The following TEX9 variants were observed in gnomAD, a reference collection of about 807,000 sequenced individuals.
TEX9 encodes the protein testis-expressed protein 9.
Under a neutral mutation model 59.6 loss-of-function variants are expected in TEX9, and 74 were observed. The ratio of observed to expected loss-of-function variants is 1.24; its 90% CI spans 1.03 to 1.51. The LOEUF is 1.51. Ranked by LOEUF, TEX9 falls within the 40% of genes most tolerant of loss-of-function variation. The pLI, the probability that TEX9 is intolerant of heterozygous loss-of-function variation, is 0.00. For synonymous variants in TEX9, 186 were observed against 152.2 expected, an observed-to-expected ratio of 1.22 and a Z score of -1.64; for missense variants, 522 against 447.8, an observed-to-expected ratio of 1.17 and a Z score of -1.49.
intron 1 of TEX9, among the ~76,000 whole-genome samples, chr15:56,344,440 T>C (rs2046427906): frequency 6.6e-6 from 1 of 152,130 alleles, no homozygotes; most frequent in African/African-American, 2.4e-5. Flanking sequence ...TGTAATTCCA[T>C]TTATATAAAA....
At chr15:56,263,189 A>G (rs1306683039) in intron 1 of TEX9, among the ~76,000 whole-genome samples, 1 of 151,970 alleles carries the variant, frequency 6.6e-6, no homozygotes, top group African/African-American at 2.4e-5. Flanking sequence ...ATGCCCGGCT[A>G]ATTTTGTATT....
At chr15:56,285,115 C>T (rs1450709319) in intron 1 of TEX9, among the ~76,000 whole-genome samples, 5 of 152,138 alleles carry the variant, frequency 3.3e-5, no homozygotes, top group Non-Finnish European at 7.4e-5. Flanking sequence ...TTTCGTATCT[C>T]ACACCTTCTA....
At chr15:56,382,581 A>T (rs1170832108) in intron 3 of TEX9, among the ~76,000 whole-genome samples, 2 of 152,074 alleles carry the variant, frequency 1.3e-5, no homozygotes, top group South Asian at 2.1e-4. Context: ...GCAGGTGATG[A>T]ATGCTGTCAG....
intron 4 of TEX9, among the ~76,000 whole-genome samples, chr15:56,387,066 A>T (rs1596159233): frequency 6.6e-6 from 1 of 151,962 alleles, no homozygotes; most frequent in Non-Finnish European, 1.5e-5. Context: ...AACGTAGTAT[A>T]CGTATCCTCC....
intron 6 of TEX9, among the ~76,000 whole-genome samples, chr15:56,389,645 T>C (rs1248813923): frequency 6.6e-6 from 1 of 151,976 alleles, no homozygotes; most frequent in Non-Finnish European, 1.5e-5. Context: ...AAAATTTTTA[T>C]AAATGTTATT....
At chr15:56,263,327 G>T (rs138549545) in intron 1 of TEX9, among the ~76,000 whole-genome samples, 2 of 152,010 alleles carry the variant, frequency 1.3e-5, no homozygotes, top group African/African-American at 2.4e-5. Flanking sequence ...CTGGCCACGG[G>T]TTGTTTTTTT....
chr15:56,414,610 A>G (rs181143223), intron 10 of TEX9, among the ~76,000 whole-genome samples: 9 of 151,894 alleles, frequency 5.9e-5, no homozygotes, highest in African/African-American at 2.2e-4. Flanking sequence ...TCCATGGTGT[A>G]TACGTACCAA....
chr15:56,373,662 G>C (rs1170988826), intron 3 of TEX9, among the ~76,000 whole-genome samples, 158 bp downstream of exon 3: 1 of 152,060 alleles, frequency 6.6e-6, no homozygotes, highest in Non-Finnish European at 1.5e-5. Context: ...CATAGGTATA[G>C]GAATGTATAT....
chr15:56,444,683 A>C lies in TEX9; in HGVS notation c.*30-988A>C, dbSNP rs528384773. On this transcript the variant is annotated intron_variant, in intron 12 of 12. Coordinates refer to ENST00000352903, the Ensembl canonical transcript of TEX9. ...TTTCAGCATCACGTTTCTGTTATTA[A>C]AACAAAATTGATCTTTCCGTTTTCA... 6.9e-6 allele frequency: 11 copies of C among 1,602,112 alleles called. No individual in the cohort carries two copies. The South Asian group carries it at 1.1e-4, about 16-fold the overall frequency.
At position 56,298,995 on chromosome 15, in the gene TEX9, C is replaced by G. The variant is rs138086960; in HGVS notation, c.-107+54717C>G. Among the ~76,000 whole-genome samples the G allele has an allele frequency of 1.4e-3, 213 of 152,318 alleles. 1 individual carries two copies. The highest frequency in any genetic ancestry group is 4.9e-3 in the African/African-American group (204 of 41,560). Reference sequence around the variant, plus strand: ...AGAATACTCCAGCAATTGTTCCCCCCAAACCCCTTCAAGGAATGCCATATT... The same window carrying G: ...AGAATACTCCAGCAATTGTTCCCCCGAAACCCCTTCAAGGAATGCCATATT... On this transcript the variant is annotated intron_variant, in intron 1 of 5. Coordinates refer to the TEX9 transcript ENST00000560827.
At chr15:56,261,073 G>A (rs978704439) in intron 1 of TEX9, among the ~76,000 whole-genome samples, 2 of 151,658 alleles carry the variant, frequency 1.3e-5, no homozygotes, top group Non-Finnish European at 2.9e-5. Context: ...GATCTGTAGG[G>A]ATATTGCCCT....
chr15:56,327,030 A>T (rs780751642), intron 1 of TEX9, among the ~76,000 whole-genome samples: 1 of 152,222 alleles, frequency 6.6e-6, no homozygotes, highest in Non-Finnish European at 1.5e-5. Context: ...TTCCCCAAAA[A>T]CTATTGAAAT....
At chr15:56,280,579 C>G (rs1476343386) in intron 1 of TEX9, among the ~76,000 whole-genome samples, 2 of 152,152 alleles carry the variant, frequency 1.3e-5, no homozygotes, top group Non-Finnish European at 2.9e-5. Flanking sequence ...AAGATTATGC[C>G]TATTCTAACA....
At chr15:56,427,274 C>T (rs1307504023) in intron 10 of TEX9, among the ~76,000 whole-genome samples, 1 of 117,378 alleles carries the variant, frequency 8.5e-6, no homozygotes, top group African/African-American at 2.9e-5. Flanking sequence ...TTCAAATATA[C>T]TTTTTAAACG....
At chr15:56,293,339 G>A (rs1384678924) in intron 1 of TEX9, among the ~76,000 whole-genome samples, 4 of 151,554 alleles carry the variant, frequency 2.6e-5, no homozygotes, top group Admixed American at 6.6e-5. Context: ...CCCATCAGAC[G>A]CACAAAAAAG....
chr15:56,394,892 T>G, intron 9 of TEX9, 58 bp downstream of exon 9: 1 of 1,528,392 alleles, frequency 6.5e-7, no homozygotes, highest in South Asian at 1.2e-5. Context: ...ATTATTAAGG[T>G]TACACATTTG....
At chr15:56,317,044 A>C (rs903564825) in intron 1 of TEX9, among the ~76,000 whole-genome samples, 1 of 152,040 alleles carries the variant, frequency 6.6e-6, no homozygotes, top group African/African-American at 2.4e-5. Flanking sequence ...ACCTGCGCCC[A>C]CTGTCTGGCA....
At chr15:56,247,681 G>T (rs144224760) in intron 1 of TEX9, among the ~76,000 whole-genome samples, 1 of 152,234 alleles carries the variant, frequency 6.6e-6, no homozygotes, top group East Asian at 1.9e-4. Flanking sequence ...AGTTAGGATC[G>T]TTCTATCAAA....
At chr15:56,271,811 A>T (rs1392873297) in intron 1 of TEX9, among the ~76,000 whole-genome samples, 1 of 152,174 alleles carries the variant, frequency 6.6e-6, no homozygotes, top group Non-Finnish European at 1.5e-5. Context: ...TTTAGAAAAA[A>T]TTCATATAAA....
Sources: gnomAD v4.1 joint callset for allele counts (sites outside exome capture counted in the v4.1 genomes callset) on GRCh38, gnomAD v4.1.1 for gene constraint, MANE v1.5 for transcripts, NCBI Gene and HGNC (gene_info 2026-07-23, HGNC 2026-07-21) for gene names.